CD47: variants seen among roughly 807,000 people sequenced by gnomAD.
CD47 encodes CD47 molecule.
Under a neutral mutation model 44.6 loss-of-function variants are expected in CD47, and 11 were observed. That is an observed-to-expected ratio of 0.25 (90% confidence interval 0.16 to 0.41). The LOEUF (loss-of-function observed/expected upper bound fraction) is 0.41, where lower values mean the gene tolerates loss of function less well. Ranked by LOEUF, CD47 falls within the 10% of genes least tolerant of loss-of-function variation. The probability of loss-of-function intolerance (pLI) is 1.00; values close to 1 mark genes in which losing one functional copy is unlikely to be tolerated. For synonymous variants in CD47, 140 were observed against 136.3 expected, an observed-to-expected ratio of 1.03 and a Z score of -0.19; for missense variants, 306 against 386.7, an observed-to-expected ratio of 0.79 and a Z score of 1.75.
At chr3:108,079,873 A>C (rs1216913863) in intron 2 of CD47, 118 bp downstream of exon 2, 1 of 637,358 alleles carries the variant, frequency 1.6e-6, no homozygotes, top group Non-Finnish European at 2.8e-6. Context: ...ATCAACATTT[A>C]TTAATAACAG....
At position 108,044,460 on chromosome 3, in the gene CD47, A is replaced by AAAC. The variant is rs1559963753; in HGVS notation, c.*2827_*2828insGTT. On this transcript the variant is annotated 3_prime_UTR_variant, in exon 11 of 11. Transcript: ENST00000361309. The stretch of plus-strand genomic sequence containing the variant: ...AAAAAAAAAAAAACAAAAAAAAAAA[A>AAAC]CAGAAAGAAAGAAAACTCTCAAGCT... The AAAC allele has an allele frequency of 4.4e-5, 4 of 91,550 alleles. No homozygotes were observed. The highest frequency in any genetic ancestry group is 8.4e-5 in the African/African-American group (2 of 23,672). The allele number at this position is 91,550 out of a possible 1,614,324, so 5.7% of individuals were successfully genotyped here. A position where few individuals can be genotyped will look rare whatever the true frequency, so the allele number is the denominator to read the frequency against.
intron 3 of CD47, among the ~76,000 whole-genome samples, chr3:108,063,749 G>A (rs759180373): frequency 2.0e-5 from 3 of 152,078 alleles, no homozygotes; most frequent in East Asian, 1.9e-4. Context: ...ACTTTCAGAC[G>A]GCTTGGCAAG....
At chr3:108,072,414 T>A (rs955492841) in intron 2 of CD47, among the ~76,000 whole-genome samples, 2 of 152,234 alleles carry the variant, frequency 1.3e-5, no homozygotes, top group Admixed American at 1.3e-4. Flanking sequence ...AATGCTTACA[T>A]CAATCCCCAG....
At chr3:108,084,018 AC>A (rs1240226280) in intron 1 of CD47, among the ~76,000 whole-genome samples, 6 of 151,222 alleles carry the variant, frequency 4.0e-5, no homozygotes, top group Non-Finnish European at 8.8e-5. Context: ...TCAGCCTCCC[AC>A]ATCCCCCATT....
At chr3:108,050,157 C>T (rs2078801031) in intron 9 of CD47, among the ~76,000 whole-genome samples, 1 of 152,028 alleles carries the variant, frequency 6.6e-6, no homozygotes, top group Admixed American at 6.6e-5. Context: ...CTCACTCTGT[C>T]ACCAGGCTGG....
chr3:108,084,484 T>C (rs1462813856), intron 1 of CD47, among the ~76,000 whole-genome samples: 1 of 152,054 alleles, frequency 6.6e-6, no homozygotes, highest in African/African-American at 2.4e-5. Flanking sequence ...CAGTACCCTC[T>C]GCCCCCTAGT....
At chr3:108,049,162 AT>A (rs2078779397) in intron 10 of CD47, among the ~76,000 whole-genome samples, 1 of 147,186 alleles carries the variant, frequency 6.8e-6, no homozygotes, top group Non-Finnish European at 1.5e-5. Flanking sequence ...CTCTTTAATC[AT>A]CTCCCAAAAG....
At chr3:108,048,534 G>A (rs1278287524) in intron 10 of CD47, among the ~76,000 whole-genome samples, 4 of 151,836 alleles carry the variant, frequency 2.6e-5, no homozygotes, top group Non-Finnish European at 5.9e-5. Flanking sequence ...ACAGGTGCCC[G>A]CCACCATGCC....
chr3:108,085,473 C>G (rs553070887), intron 1 of CD47, among the ~76,000 whole-genome samples: 1 of 152,236 alleles, frequency 6.6e-6, no homozygotes, highest in East Asian at 1.9e-4. Flanking sequence ...TTCACATATA[C>G]AGCAAGTACT....
chr3:108,049,143 T>G (rs973191018), intron 10 of CD47, among the ~76,000 whole-genome samples: 1 of 140,652 alleles, frequency 7.1e-6, no homozygotes, highest in African/African-American at 2.6e-5. Flanking sequence ...TCTCTCTCTC[T>G]CAACCTCTCT....
chr3:108,075,566 A>C (rs2108260207), intron 2 of CD47, among the ~76,000 whole-genome samples: 1 of 152,288 alleles, frequency 6.6e-6, no homozygotes, highest in East Asian at 1.9e-4. Context: ...GCTAGGCTAC[A>C]GTCCCATTAT....
chr3:108,085,311 T>G (rs2079498784), intron 1 of CD47, among the ~76,000 whole-genome samples: 1 of 152,126 alleles, frequency 6.6e-6, no homozygotes. Context: ...TAGTTTAAGA[T>G]TCACCTCATG....
At chr3:108,060,633 C>T (rs762436255) in intron 4 of CD47, 112 bp downstream of exon 4, 108 of 691,922 alleles carry the variant, frequency 1.6e-4, no homozygotes, top group Non-Finnish European at 1.8e-4. Context: ...GTTTAAGCCA[C>T]CCAGTTTGTG....
chr3:108,088,845 A>G (rs1050555074), intron 1 of CD47, among the ~76,000 whole-genome samples: 13 of 152,244 alleles, frequency 8.5e-5, no homozygotes, highest in African/African-American at 2.9e-4. Context: ...GGTGCCTTCC[A>G]GTTTGCCTGT....
Position 108,071,147 on chromosome 3 carries a change from CAAT to C in CD47, c.433_435del (p.Ile145del). ...AGTATAGCAAAAATTGGGAAAATAA[CAAT>C]AAGAATATTTTCATTTGGAGAAAAC... On this transcript the variant is annotated inframe_deletion, in exon 3 of 11. Coordinates refer to ENST00000361309, the MANE Select transcript of CD47 (RefSeq NM_001777.4). The C allele has an allele frequency of 2.0e-6, 3 of 1,503,822 alleles. No homozygotes were observed. The highest frequency in any genetic ancestry group is 2.7e-6 in the Non-Finnish European group (3 of 1,098,300). The allele number at this position is 1,503,822 out of a possible 1,614,324, so 93.2% of individuals were successfully genotyped here. A position where few individuals can be genotyped will look rare whatever the true frequency, so the allele number is the denominator to read the frequency against.
intron 3 of CD47, among the ~76,000 whole-genome samples, chr3:108,061,166 G>T (rs1576996014): frequency 6.7e-6 from 1 of 149,516 alleles, no homozygotes. Context: ...TTGGGGGGAG[G>T]GGGGACACTG....
intron 3 of CD47, among the ~76,000 whole-genome samples, chr3:108,067,121 C>T (rs547976464): frequency 2.0e-4 from 30 of 152,112 alleles, no homozygotes; most frequent in Non-Finnish European, 3.5e-4. Flanking sequence ...CTTTCATTCT[C>T]GATGTTTCTA....
chr3:108,080,864 T>A (rs1464818884), intron 1 of CD47, among the ~76,000 whole-genome samples: 2 of 151,892 alleles, frequency 1.3e-5, no homozygotes, highest in African/African-American at 4.8e-5. Context: ...TACTGTACTT[T>A]AATATACAAA....
In CD47 at chr3:108,044,633, G is replaced by T. The variant is rs942607824; in HGVS notation, c.*2655C>A. 2.6e-5 allele frequency: 4 copies of T among 152,016 alleles called. No individual in the cohort carries two copies. Among genetic ancestry groups the T allele is most frequent in the Admixed American group, 6.6e-5 (1 of 15,254 alleles). 9.4% of individuals were successfully genotyped at this position (152,016 alleles called of 1,614,324 possible). The stretch of plus-strand genomic sequence containing the variant: ...CTATAGAAGGAATTTTAAAATCAAG[G>T]AGAAGAGCAAGGCCAAAAAACTAAT... On this transcript the variant is annotated 3_prime_UTR_variant, in exon 11 of 11. Transcript: ENST00000361309.
Sources: gnomAD v4.1 joint callset for allele counts (sites outside exome capture counted in the v4.1 genomes callset) on GRCh38, gnomAD v4.1.1 for gene constraint, MANE v1.5 for transcripts, NCBI Gene and HGNC (gene_info 2026-07-23, HGNC 2026-07-21) for gene names.